Variants in TBC1D22A observed in about 807,000 individuals in gnomAD.
TBC1D22A encodes the protein TBC1 domain family member 22A, also known as putative GTPase activator.
In TBC1D22A, 38 loss-of-function variants were observed where a neutral mutation model predicts 60.2. That is an observed-to-expected ratio of 0.63 (90% CI 0.49 to 0.83). TBC1D22A has a LOEUF of 0.83. Among genes scored for constraint, TBC1D22A ranks in the 40% least tolerant of loss-of-function variants. The pLI is 0.00. For missense variants in TBC1D22A, 628 were observed against 701.0 expected, an observed-to-expected ratio of 0.90 and a Z score of 1.18; for synonymous variants, 302 against 281.7, an observed-to-expected ratio of 1.07 and a Z score of -0.72.
chr22:47,099,163 G>A (rs1399217045), intron 11 of TBC1D22A, among the ~76,000 whole-genome samples: 1 of 152,244 alleles, frequency 6.6e-6, no homozygotes, highest in Non-Finnish European at 1.5e-5. Context: ...GTGTCACCGT[G>A]TGGAAGTGCA....
chr22:46,916,499 G>A (rs1038512066), intron 8 of TBC1D22A, among the ~76,000 whole-genome samples: 1 of 152,194 alleles, frequency 6.6e-6, no homozygotes, highest in Admixed American at 6.5e-5. Flanking sequence ...GCATGTTTAG[G>A]GCATGCTCTT....
intron 9 of TBC1D22A, among the ~76,000 whole-genome samples, chr22:46,991,704 C>G (rs2074946783): frequency 6.6e-6 from 1 of 152,218 alleles, no homozygotes; most frequent in African/African-American, 2.4e-5. Flanking sequence ...GCAGTGGCCT[C>G]CATTTGCATT....
intron 4 of TBC1D22A, among the ~76,000 whole-genome samples, chr22:46,816,044 C>T (rs1386487831): frequency 3.9e-5 from 6 of 152,218 alleles, no homozygotes; most frequent in African/African-American, 1.4e-4. Context: ...TCCCTGCCTA[C>T]AGTTCTTTAA....
At chr22:47,002,506 A>G (rs781495019) in intron 10 of TBC1D22A, among the ~76,000 whole-genome samples, 1 of 148,218 alleles carries the variant, frequency 6.7e-6, no homozygotes, top group Non-Finnish European at 1.5e-5. Flanking sequence ...TTTTTGATTA[A>G]AAAAACCATA....
intron 12 of TBC1D22A, among the ~76,000 whole-genome samples, chr22:47,170,040 G>A (rs944246539): frequency 3.3e-5 from 5 of 152,220 alleles, no homozygotes; most frequent in East Asian, 1.9e-4. Context: ...TAAATGTGCC[G>A]CGTTTCCCAG....
intron 12 of TBC1D22A, among the ~76,000 whole-genome samples, chr22:47,119,474 T>A (rs879752874): frequency 6.6e-6 from 1 of 151,956 alleles, no homozygotes; most frequent in African/African-American, 2.4e-5. Context: ...CCTGCTGTTA[T>A]AACAAACTAC....
chr22:47,076,380 TACACACACAC>T (rs1183466938), intron 11 of TBC1D22A, among the ~76,000 whole-genome samples: 45 of 124,532 alleles, frequency 3.6e-4, no homozygotes, highest in Admixed American at 8.3e-4. Context: ...TATATATATA[TACACACACAC>T]ACACACACAC....
intron 10 of TBC1D22A, among the ~76,000 whole-genome samples, chr22:47,019,282 A>G (rs1297066481): frequency 6.6e-6 from 1 of 152,208 alleles, no homozygotes; most frequent in African/African-American, 2.4e-5. Flanking sequence ...GGATCAGGAC[A>G]TGAACACCCT....
intron 1 of TBC1D22A, among the ~76,000 whole-genome samples, chr22:46,772,108 T>C (rs1432462648): frequency 1.7e-4 from 21 of 120,390 alleles, no homozygotes; most frequent in African/African-American, 6.0e-4. Context: ...CATATACATA[T>C]ATATGTATAC....
At chr22:47,135,599 G>A (rs2066836652) in intron 12 of TBC1D22A, among the ~76,000 whole-genome samples, 1 of 152,234 alleles carries the variant, frequency 6.6e-6, no homozygotes, top group South Asian at 2.1e-4. Flanking sequence ...CCAAGGCAAG[G>A]ATGAGGGGCC....
intron 6 of TBC1D22A, 132 bp downstream of exon 6, chr22:46,891,526 A>C: frequency 3.3e-6 from 3 of 914,590 alleles, no homozygotes; most frequent in Non-Finnish European, 4.5e-6. Flanking sequence ...ATTAGCTCAC[A>C]GATTTTTATT....
At chr22:46,833,237 G>C (rs2086385272) in intron 4 of TBC1D22A, among the ~76,000 whole-genome samples, 1 of 152,230 alleles carries the variant, frequency 6.6e-6, no homozygotes, top group African/African-American at 2.4e-5. Flanking sequence ...GCACTAATGT[G>C]ACTTTTAACT....
At chr22:46,905,690 G>T (rs1395292590) in intron 7 of TBC1D22A, among the ~76,000 whole-genome samples, 1 of 152,222 alleles carries the variant, frequency 6.6e-6, no homozygotes, top group East Asian at 1.9e-4. Context: ...GGGGCCAAGG[G>T]AGCCTCTGGG....
chr22:46,854,151 G>C (rs184221352), intron 4 of TBC1D22A, among the ~76,000 whole-genome samples: 15 of 152,302 alleles, frequency 9.8e-5, no homozygotes, highest in African/African-American at 3.6e-4. Flanking sequence ...CCCAGTGTCC[G>C]TGTCTTCCGG....
intron 4 of TBC1D22A, among the ~76,000 whole-genome samples, chr22:46,871,930 C>T (rs180852823): frequency 2.6e-5 from 4 of 151,790 alleles, no homozygotes; most frequent in African/African-American, 7.2e-5. Context: ...GACTAATGAA[C>T]AGAAAAAGAG....
intron 9 of TBC1D22A, among the ~76,000 whole-genome samples, chr22:46,995,482 G>A (rs2075088865): frequency 1.3e-5 from 2 of 152,202 alleles, no homozygotes; most frequent in African/African-American, 2.4e-5. Context: ...GTTAGGAGAT[G>A]TCATGTGTGC....
chr22:47,171,309 C>T (rs770311744), intron 12 of TBC1D22A, among the ~76,000 whole-genome samples: 1 of 152,218 alleles, frequency 6.6e-6, no homozygotes, highest in Non-Finnish European at 1.5e-5. Context: ...TCCCTTGTCA[C>T]CTGCTAGGAG....
At chr22:46,774,574 C>A (rs928976846) in intron 1 of TBC1D22A, among the ~76,000 whole-genome samples, 1 of 152,194 alleles carries the variant, frequency 6.6e-6, no homozygotes, top group Non-Finnish European at 1.5e-5. Flanking sequence ...ATGGCAGCCC[C>A]CCGGGGCAGG....
At chr22:46,980,763 G>C (rs2074483779) in intron 9 of TBC1D22A, among the ~76,000 whole-genome samples, 1 of 152,222 alleles carries the variant, frequency 6.6e-6, no homozygotes, top group Non-Finnish European at 1.5e-5. Flanking sequence ...GCATTGATGA[G>C]ATGTTGTTAC....
Sources: allele counts gnomAD v4.1 joint callset (sites outside exome capture counted in the v4.1 genomes callset), GRCh38; gene constraint gnomAD v4.1.1; transcripts MANE v1.5; gene names NCBI Gene and HGNC (gene_info 2026-07-23, HGNC 2026-07-21).